The following NRXN3 variants were observed in gnomAD, a reference collection of about 807,000 sequenced individuals.
NRXN3 encodes the protein neurexin III.
NRXN3 carries 32 observed loss-of-function variants against 137.6 expected under a neutral mutation model. The observed-to-expected ratio is 0.23, with a 90% confidence interval of 0.18 to 0.31. NRXN3 has a LOEUF of 0.31. NRXN3 is among the 10% of genes least tolerant of loss of function. The probability of loss-of-function intolerance (pLI) is 1.00; values close to 1 mark genes in which losing one functional copy is unlikely to be tolerated. For synonymous variants in NRXN3, 798 were observed against 784.5 expected (o/e 1.02, Z -0.29); for missense variants, 1,574 against 2,062.5 (o/e 0.76, Z 4.59).
chr14:79,793,493 G>T (rs922134240), intron 19 of NRXN3, among the ~76,000 whole-genome samples: 1 of 152,174 alleles, frequency 6.6e-6, no homozygotes, highest in African/African-American at 2.4e-5. Flanking sequence ...CTGGTTTCAG[G>T]AACATAATCT....
chr14:78,287,189 A>T (rs1345755229), intron 3 of NRXN3, among the ~76,000 whole-genome samples: 2 of 152,224 alleles, frequency 1.3e-5, no homozygotes, highest in African/African-American at 4.8e-5. Flanking sequence ...CCATAATTTT[A>T]TACTCCCACA....
chr14:78,554,179 T>C (rs556080949), intron 4 of NRXN3, among the ~76,000 whole-genome samples: 8 of 152,276 alleles, frequency 5.3e-5, no homozygotes, highest in African/African-American at 1.9e-4. Flanking sequence ...CTCCTCCTAA[T>C]TAATGAGAAA....
intron 15 of NRXN3, among the ~76,000 whole-genome samples, chr14:79,040,683 G>A (rs1441544409): frequency 6.6e-6 from 1 of 152,102 alleles, no homozygotes; most frequent in East Asian, 1.9e-4. Context: ...ACAGAGAGGG[G>A]TCCCGGAAGA....
chr14:79,130,731 G>T (rs934939233), intron 15 of NRXN3, among the ~76,000 whole-genome samples: 4 of 152,186 alleles, frequency 2.6e-5, no homozygotes, highest in Non-Finnish European at 5.9e-5. Flanking sequence ...GGGCTGCCTT[G>T]CTAGATTGGG....
At chr14:78,848,619 G>C (rs2099034315) in intron 10 of NRXN3, among the ~76,000 whole-genome samples, 1 of 152,146 alleles carries the variant, frequency 6.6e-6, no homozygotes. Context: ...ATAGAAGAAA[G>C]TCTTTAAGGT....
chr14:78,823,941 A>G (rs984586263), intron 10 of NRXN3, among the ~76,000 whole-genome samples: 5 of 152,028 alleles, frequency 3.3e-5, no homozygotes, highest in Non-Finnish European at 7.4e-5. Context: ...TATATCCCCC[A>G]CAGGTCAGCC....
At chr14:78,892,155 G>T (rs2099160796) in intron 10 of NRXN3, among the ~76,000 whole-genome samples, 1 of 151,936 alleles carries the variant, frequency 6.6e-6, no homozygotes, top group Non-Finnish European at 1.5e-5. Flanking sequence ...ATTTATGGTT[G>T]TAAAAGTCCT....
At chr14:78,746,742 C>G (rs934622933) in intron 8 of NRXN3, among the ~76,000 whole-genome samples, 1 of 152,206 alleles carries the variant, frequency 6.6e-6, no homozygotes, top group African/African-American at 2.4e-5. Flanking sequence ...GTTTGCACAA[C>G]CCCATCTCAT....
intron 8 of NRXN3, among the ~76,000 whole-genome samples, chr14:78,759,361 C>A (rs2152971009): frequency 6.6e-6 from 1 of 152,280 alleles, no homozygotes; most frequent in South Asian, 2.1e-4. Flanking sequence ...TTTGATATGT[C>A]CAACAATACT....
In NRXN3 at chr14:78,755,314, A is replaced by G. The variant is rs534171590; in HGVS notation, c.2044+40175A>G. Among the ~76,000 whole-genome samples the G allele has an allele frequency of 2.0e-3, 301 of 151,750 alleles. 1 individual carries two copies. Among genetic ancestry groups the G allele is most frequent in the African/African-American group, 7.1e-3 (295 of 41,374 alleles). On this transcript the variant is annotated intron_variant, in intron 8 of 20. Transcript: ENST00000335750. ...AGTGGTGGGATTACAGGTGTGAGCC[A>G]CTGAGCCCAGTCTAGCGCATGCCTT... is the stretch of plus-strand genomic sequence containing the variant.
At chr14:78,206,711 C>T (rs2062219266) in intron 1 of NRXN3, among the ~76,000 whole-genome samples, 1 of 152,152 alleles carries the variant, frequency 6.6e-6, no homozygotes, top group African/African-American at 2.4e-5. Flanking sequence ...ATCTTGAGGT[C>T]ACTTCATGGT....
chr14:78,840,721 A>T (rs2099010022), intron 10 of NRXN3, among the ~76,000 whole-genome samples: 1 of 152,172 alleles, frequency 6.6e-6, no homozygotes, highest in Non-Finnish European at 1.5e-5. Flanking sequence ...TCCAGAAGTG[A>T]CACTTTACTT....
At chr14:79,376,032 TTATA>T (rs1353990428) in intron 15 of NRXN3, among the ~76,000 whole-genome samples, 1 of 143,610 alleles carries the variant, frequency 7.0e-6, no homozygotes, top group Non-Finnish European at 1.5e-5. Flanking sequence ...GTATATATAC[TTATA>T]TATAAGTGTA....
chr14:78,314,938 TCTTTCTTC>T (rs1251288563), intron 4 of NRXN3, among the ~76,000 whole-genome samples: 63 of 91,016 alleles, frequency 6.9e-4, no homozygotes, highest in East Asian at 1.1e-3. Flanking sequence ...TTTCTTTCTT[TCTTTCTTC>T]CTTCCTTCCT....
Position 79,361,634 on chromosome 14 carries a change from T to C in NRXN3, c.3263-105587T>C, listed in dbSNP as rs188462745. ...TGAGAGGTTGAGGCAGGAGAATCAC[T>C]TGAACCCAGGAGGCAGAGGTTGCAG... On this transcript the variant is annotated intron_variant, in intron 15 of 20. Coordinates refer to ENST00000335750, the MANE Select transcript of NRXN3 (RefSeq NM_001330195.2). Among the ~76,000 whole-genome samples the C allele has an allele frequency of 1.7e-3, 263 of 152,212 alleles. 1 individual carries two copies. The highest frequency in any genetic ancestry group is 6.1e-3 in the African/African-American group (254 of 41,536).
chr14:78,842,713 A>G (rs1166069433), intron 10 of NRXN3, among the ~76,000 whole-genome samples: 1 of 152,064 alleles, frequency 6.6e-6, no homozygotes, highest in African/African-American at 2.4e-5. Flanking sequence ...TGTGACCATA[A>G]AAGACAGCCG....
At chr14:79,022,184 A>G (rs1382945225) in intron 15 of NRXN3, among the ~76,000 whole-genome samples, 9 of 152,224 alleles carry the variant, frequency 5.9e-5, no homozygotes, top group African/African-American at 2.2e-4. Flanking sequence ...ATTGTTTAAT[A>G]CATTTTTAAG....
intron 1 of NRXN3, among the ~76,000 whole-genome samples, chr14:78,188,446 T>C (rs1473127756): frequency 6.6e-6 from 1 of 152,164 alleles, no homozygotes; most frequent in African/African-American, 2.4e-5. Context: ...TTCTGGCTCA[T>C]TGGAAGACTG....
intron 7 of NRXN3, among the ~76,000 whole-genome samples, chr14:78,711,335 G>T (rs2098405511): frequency 6.7e-6 from 1 of 149,534 alleles, no homozygotes; most frequent in Non-Finnish European, 1.5e-5. Context: ...AGTTTTTGTT[G>T]TTTAAACCAC....
Sources: gnomAD v4.1 joint callset for allele counts (sites outside exome capture counted in the v4.1 genomes callset) on GRCh38, gnomAD v4.1.1 for gene constraint, MANE v1.5 for transcripts, NCBI Gene and HGNC (gene_info 2026-07-23, HGNC 2026-07-21) for gene names.